Variants in CYFIP1 observed in about 807,000 individuals in gnomAD.
CYFIP1 encodes cytoplasmic FMR1 interacting protein 1, also known as cytoplasmic FMR1-interacting protein 1.
CYFIP1 carries 58 observed loss-of-function variants against 163.5 expected under a neutral mutation model. That is an observed-to-expected ratio of 0.35 (90% CI 0.29 to 0.44). The LOEUF (loss-of-function observed/expected upper bound fraction) is 0.44, where lower values mean the gene tolerates loss of function less well. Ranked by LOEUF, CYFIP1 falls within the 20% of genes least tolerant of loss-of-function variation. The pLI is 1.00. For synonymous variants in CYFIP1, 663 were observed against 660.7 expected, an observed-to-expected ratio of 1.00 and a Z score of -0.05; for missense variants, 1,338 against 1,653.8, an observed-to-expected ratio of 0.81 and a Z score of 3.31.
In CYFIP1 at chr15:22,933,831, G is replaced by T; in HGVS notation, c.963C>A (p.Thr321=). 1 of 1,613,262 alleles carries T rather than the reference G, an allele frequency of 6.2e-7. No individual in the cohort carries two copies. Among genetic ancestry groups the T allele is most frequent in the Non-Finnish European group, 8.5e-7 (1 of 1,179,694 alleles). ...MQIELARYIK[T]SAHYEENKSR... ...ATTTATTTTCCTCGTAGTGGGCGCT[G>T]GTCTTGATATATCTTGCCAGTTCTA... The change falls in exon 10 of 31, where the codon ACC becomes ACA. Residue 321 remains threonine (T), a synonymous_variant. Transcript: ENST00000617928.
chr15:22,952,801 C>T (rs1351917665), intron 1 of CYFIP1, among the ~76,000 whole-genome samples: 2 of 151,978 alleles, frequency 1.3e-5, no homozygotes, highest in African/African-American at 2.4e-5. Context: ...TCAATCATCC[C>T]ACTGTCCCTT....
intron 1 of CYFIP1, among the ~76,000 whole-genome samples, chr15:22,955,688 T>G (rs2062423351): frequency 6.6e-6 from 1 of 152,146 alleles, no homozygotes; most frequent in Admixed American, 6.5e-5. Flanking sequence ...CTCCTGGTCT[T>G]TAACCCATCT....
chr15:22,978,195 G>C (rs1291758633), intron 1 of CYFIP1, among the ~76,000 whole-genome samples: 7 of 150,508 alleles, frequency 4.7e-5, no homozygotes, highest in Admixed American at 4.0e-4. Context: ...CTACTAAAAA[G>C]ACAAAAATTA....
rs200449827 is a variant in CYFIP1 at position 22,870,134 on chromosome 15, A to G, written c.3656T>C (p.Ile1219Thr). 4.2e-5 allele frequency: 67 copies of G among 1,612,770 alleles called. No individual in the cohort carries two copies. The highest frequency in any genetic ancestry group is 3.3e-4 in the Middle Eastern group (2 of 6,058). The change falls in exon 31 of 31, where the codon ATC (isoleucine) becomes ACC (threonine). Residue 1219 changes from isoleucine (I) to threonine (T), a missense_variant. By Grantham distance (89) the Ile-to-Thr change is moderately conservative. This residue lies in a region of CYFIP1 where 306 missense variants were observed against 322.1 expected (regional missense o/e 0.95). Transcript: ENST00000617928. ...RKFQILNDEI[I>T]TILDKYLKSG... ...CTTCAGGTACTTATCCAGGATGGTG[A>G]TGATCTCATCATTGAGAATCTGGAA...
intron 3 of CYFIP1, among the ~76,000 whole-genome samples, chr15:22,945,392 C>T (rs1224926926): frequency 6.6e-6 from 1 of 152,284 alleles, no homozygotes; most frequent in East Asian, 1.9e-4. Flanking sequence ...CCCGGGTGTG[C>T]AGGAGGAAAA....
chr15:22,939,503 C>A lies in CYFIP1; in HGVS notation c.574G>T (p.Ala192Ser). The change falls in exon 7 of 31, where the codon GCT (alanine) becomes TCT (serine). Residue 192 changes from alanine (A) to serine (S), a missense_variant. Ala to Ser is a moderately conservative substitution (Grantham distance 99). This residue lies in a region of CYFIP1 where 186 missense variants were observed against 288.3 expected (regional missense o/e 0.65). Coordinates refer to ENST00000617928, the MANE Select transcript of CYFIP1 (RefSeq NM_014608.6). The part of the protein sequence containing the change: ...KNDHSAYKRA[A>S]QFLRKMADPQ... ...TCTGCCATTTTACGTAAAAACTGAG[C>A]GGCCCTTTGAAAACAAAAAGAATTC... The A allele has an allele frequency of 1.2e-6, 2 of 1,601,554 alleles. No homozygotes were observed. The highest frequency in any genetic ancestry group is 8.5e-7 in the Non-Finnish European group (1 of 1,175,066).
chr15:22,920,853 G>A (rs1027245188), intron 13 of CYFIP1, among the ~76,000 whole-genome samples: 4 of 152,026 alleles, frequency 2.6e-5, no homozygotes, highest in African/African-American at 7.2e-5. Context: ...AAAAAGAAAA[G>A]TTCTATTTAA....
intron 22 of CYFIP1, among the ~76,000 whole-genome samples, chr15:22,896,304 G>C (rs1408717403): frequency 6.6e-6 from 1 of 152,130 alleles, no homozygotes; most frequent in African/African-American, 2.4e-5. Flanking sequence ...AGGCCCAACA[G>C]TGGCTCTTTT....
intron 1 of CYFIP1, among the ~76,000 whole-genome samples, chr15:22,973,246 C>A (rs1476198965): frequency 7.6e-6 from 1 of 131,322 alleles, no homozygotes; most frequent in African/African-American, 3.0e-5. Flanking sequence ...CCCAAAAGGG[C>A]AAGGCTGCAG....
chr15:22,938,106 C>A (rs1430488297), intron 8 of CYFIP1, among the ~76,000 whole-genome samples: 1 of 152,202 alleles, frequency 6.6e-6, no homozygotes, highest in East Asian at 1.9e-4. Flanking sequence ...CCCAAGGCCA[C>A]CCTGCAGAGG....
chr15:22,869,910 G>A lies in CYFIP1; in HGVS notation c.*118C>T, dbSNP rs1479978313. The A allele has an allele frequency of 1.6e-5, 15 of 918,662 alleles. No homozygotes were observed. Among genetic ancestry groups the A allele is most frequent in the Middle Eastern group, 3.7e-4 (1 of 2,738 alleles). The allele number at this position is 918,662 out of a possible 1,614,324, so 56.9% of individuals were successfully genotyped here. ...TTTTATAAAATTAAGTTTTTAGATC[G>A]AAAAGCACCCCCTTTAACAGGTACA... is the stretch of plus-strand genomic sequence containing the variant. On this transcript the variant is annotated 3_prime_UTR_variant, in exon 31 of 31. Coordinates refer to ENST00000617928, the MANE Select transcript of CYFIP1 (RefSeq NM_014608.6).
chr15:22,940,633 C>CA (rs1323641165), intron 6 of CYFIP1, among the ~76,000 whole-genome samples: 1 of 152,210 alleles, frequency 6.6e-6, no homozygotes, highest in African/African-American at 2.4e-5. Flanking sequence ...TTTCAGGAGA[C>CA]AGAGAAATAA....
intron 6 of CYFIP1, among the ~76,000 whole-genome samples, 172 bp downstream of exon 6, chr15:22,943,001 C>T (rs11637146): frequency 0.19 from 29,191 of 152,162 alleles, 3,071 homozygotes; most frequent in African/African-American, 0.23. Context: ...GCTGGCTCCC[C>T]TCACCTTATC....
chr15:22,956,662 G>A (rs2062466446), intron 1 of CYFIP1, among the ~76,000 whole-genome samples: 1 of 152,230 alleles, frequency 6.6e-6, no homozygotes, highest in Non-Finnish European at 1.5e-5. Flanking sequence ...GCCAGGAAGG[G>A]TGGGGGCTGG....
chr15:22,963,125 C>T (rs1287519558), intron 1 of CYFIP1, among the ~76,000 whole-genome samples: 1 of 152,148 alleles, frequency 6.6e-6, no homozygotes, highest in East Asian at 1.9e-4. Context: ...GGTAAAGGGC[C>T]TCAAGTGGAG....
In CYFIP1 at chr15:22,869,637, A is replaced by G. The variant is rs753344383; in HGVS notation, c.*391T>C. On this transcript the variant is annotated 3_prime_UTR_variant, in exon 31 of 31. Coordinates refer to ENST00000617928, the MANE Select transcript of CYFIP1 (RefSeq NM_014608.6). ...GATTGCTCATAAAAGACCATCAGAA[A>G]GATCCCTAAACAAAAGCTAAATAGT... 3.1e-4 allele frequency: 48 copies of G among 156,502 alleles called. No individual in the cohort carries two copies. The highest frequency in any genetic ancestry group is 3.0e-3 in the Middle Eastern group (1 of 330). The allele number at this position is 156,502 out of a possible 1,614,324, so 9.7% of individuals were successfully genotyped here.
In CYFIP1 at chr15:22,867,779, G is replaced by GTCTC. The variant is rs1233524198; in HGVS notation, c.*2245_*2248dup. On this transcript the variant is annotated 3_prime_UTR_variant, in exon 31 of 31. Transcript: ENST00000617928. ...AAACTTAACATGTTTATAGAATATG[G>GTCTC]TCTCTTTGTACCAAGTACTTTGCTT... 1 of 152,252 alleles carries GTCTC rather than the reference G, an allele frequency of 6.6e-6. No homozygotes were observed. The highest frequency in any genetic ancestry group is 2.1e-4 in the South Asian group (1 of 4,830). The allele number at this position is 152,252 out of a possible 1,614,324, so 9.4% of individuals were successfully genotyped here. A position where few individuals can be genotyped will look rare whatever the true frequency, so the allele number is the denominator to read the frequency against.
chr15:22,877,380 T>G (rs910768315), intron 26 of CYFIP1, among the ~76,000 whole-genome samples: 1 of 152,104 alleles, frequency 6.6e-6, no homozygotes, highest in African/African-American at 2.4e-5. Context: ...AAACTCCTTT[T>G]CTTTATAAAT....
At chr15:22,927,483 C>CAAAAAAA (rs1188331935) in intron 12 of CYFIP1, among the ~76,000 whole-genome samples, 3 of 57,484 alleles carry the variant, frequency 5.2e-5, no homozygotes, top group East Asian at 5.5e-4. Flanking sequence ...AACTCCGTCT[C>CAAAAAAA]AAAAAAAAAA....
Sources: gnomAD v4.1 joint callset for allele counts (sites outside exome capture counted in the v4.1 genomes callset) on GRCh38, gnomAD v4.1.1 for gene constraint, gnomAD v4.1.1 regional missense constraint, MANE v1.5 for transcripts, NCBI Gene and HGNC (gene_info 2026-07-23, HGNC 2026-07-21) for gene names.